The following JAKMIP1 variants were observed in gnomAD, a reference collection of about 807,000 sequenced individuals.
The protein encoded by JAKMIP1 is janus kinase and microtubule-interacting protein 1.
Under a neutral mutation model 113.0 loss-of-function variants are expected in JAKMIP1, and 33 were observed. That is an observed-to-expected ratio of 0.29 (90% CI 0.22 to 0.39). The LOEUF is 0.39. JAKMIP1 is among the 10% of genes least tolerant of loss of function. The pLI, the probability that JAKMIP1 is intolerant of heterozygous loss-of-function variation, is 1.00. For synonymous variants in JAKMIP1, 480 were observed against 459.9 expected (o/e 1.04, Z -0.56); for missense variants, 813 against 1,080.5 (o/e 0.75, Z 3.47).
At chr4:6,131,647 T>C (rs977017769) in intron 1 of JAKMIP1, among the ~76,000 whole-genome samples, 5 of 152,098 alleles carry the variant, frequency 3.3e-5, no homozygotes, top group African/African-American at 1.2e-4. Flanking sequence ...TGAGAATGGC[T>C]TGAACCCAGG....
At chr4:6,151,312 T>C (rs1193602003) in intron 1 of JAKMIP1, among the ~76,000 whole-genome samples, 1 of 152,222 alleles carries the variant, frequency 6.6e-6, no homozygotes, top group African/African-American at 2.4e-5. Context: ...GTCTGCAACT[T>C]TCTCAAGATC....
chr4:6,070,191 C>T, intron 8 of JAKMIP1: 1 of 398,558 alleles, frequency 2.5e-6, no homozygotes, highest in Non-Finnish European at 4.4e-6. Context: ...ACACACCAGC[C>T]CCTGTGCGTG....
intron 8 of JAKMIP1, among the ~76,000 whole-genome samples, chr4:6,071,386 C>A (rs943326477): frequency 1.3e-5 from 2 of 152,154 alleles, no homozygotes; most frequent in Non-Finnish European, 1.5e-5. Flanking sequence ...CAATCTGGAA[C>A]CTTTGCCTCA....
chr4:6,126,493 A>G (rs1472536727), intron 1 of JAKMIP1, among the ~76,000 whole-genome samples: 2 of 150,876 alleles, frequency 1.3e-5, no homozygotes, highest in Non-Finnish European at 3.0e-5. Context: ...AAACACACAA[A>G]CACGCATCAT....
At chr4:6,028,250 T>A (rs965248351) in intron 20 of JAKMIP1, among the ~76,000 whole-genome samples, 10 of 152,214 alleles carry the variant, frequency 6.6e-5, no homozygotes, top group African/African-American at 1.9e-4. Flanking sequence ...TCTCAGAATA[T>A]CCTTGGGAGG....
chr4:6,050,468 G>A lies in JAKMIP1; in HGVS notation c.1908+110C>T, dbSNP rs1715519516. ...ACAAACTGTGACTTTCAACACAAGG[G>A]GTATCTCATGAAAATCAATTCTATC... is the stretch of plus-strand genomic sequence containing the variant. On this transcript the variant is annotated intron_variant, in intron 14 of 20. Transcript: ENST00000409021. The surrounding 1 kb of genome is among the most constrained non-coding windows in gnomAD (Gnocchi z 7.4). The A allele has an allele frequency of 8.4e-6, 6 of 711,808 alleles. No individual in the cohort carries two copies. Among genetic ancestry groups the A allele is most frequent in the Non-Finnish European group, 1.4e-5 (6 of 415,844 alleles). 44.1% of individuals were successfully genotyped at this position (711,808 alleles called of 1,614,324 possible). A position where few individuals can be genotyped will look rare whatever the true frequency, so the allele number is the denominator to read the frequency against.
chr4:6,049,936 G>A lies in JAKMIP1; in HGVS notation c.1909-64C>T. On this transcript the variant is annotated intron_variant, in intron 14 of 20. Transcript: ENST00000409021. The surrounding 1 kb of genome is among the most constrained non-coding windows in gnomAD (Gnocchi z 7.0). ...CAGAGACCAACCATACCAATTTCTAGGGCCACGGCCTTTCCTCTGGACAAG... is the reference window on the plus strand; with the variant it reads ...CAGAGACCAACCATACCAATTTCTAAGGCCACGGCCTTTCCTCTGGACAAG... 2 of 1,181,670 alleles carry A rather than the reference G, an allele frequency of 1.7e-6. No homozygotes were observed. The highest frequency in any genetic ancestry group is 2.3e-5 in the East Asian group (1 of 42,670). The allele number at this position is 1,181,670 out of a possible 1,614,324, so 73.2% of individuals were successfully genotyped here.
At chr4:6,109,418 C>A (rs556859199) in intron 2 of JAKMIP1, among the ~76,000 whole-genome samples, 1 of 151,798 alleles carries the variant, frequency 6.6e-6, no homozygotes, top group Admixed American at 6.6e-5. Flanking sequence ...CAGGCATGAG[C>A]CACTGCGGAG....
rs561166309 is a variant in JAKMIP1, at chr4:6,052,725, A to T, written c.1806+1325T>A. Among the ~76,000 whole-genome samples, 8 of 152,078 alleles carry T rather than the reference A, an allele frequency of 5.3e-5. No individual in the cohort carries two copies. The East Asian group carries it at 1.5e-3, about 29-fold the overall frequency. ...AGGATGGTGGAGACCATTAAAGAAA[A>T]CTCTAGTAAACTGGGTAGTGCTTAT... is the stretch of plus-strand genomic sequence containing the variant. On this transcript the variant is annotated intron_variant, in intron 13 of 20. Coordinates refer to ENST00000409021, the MANE Select transcript of JAKMIP1 (RefSeq NM_001099433.2).
At chr4:6,104,993 A>G (rs1220173790) in intron 3 of JAKMIP1, among the ~76,000 whole-genome samples, 2 of 152,232 alleles carry the variant, frequency 1.3e-5, no homozygotes, top group Non-Finnish European at 2.9e-5. Context: ...CCGCCCAGGC[A>G]GGGCTCTTTC....
chr4:6,099,762 C>T (rs907768053), intron 3 of JAKMIP1, among the ~76,000 whole-genome samples: 6 of 152,278 alleles, frequency 3.9e-5, no homozygotes, highest in East Asian at 1.9e-4. Flanking sequence ...CAGCCTCTGG[C>T]GACAAATAAT....
At position 6,059,335 on chromosome 4, in the gene JAKMIP1, G is replaced by A. The variant is rs1331063179; in HGVS notation, c.1644+1089C>T. Among the ~76,000 whole-genome samples, 1 of 152,214 alleles carries A rather than the reference G, an allele frequency of 6.6e-6. No individual in the cohort carries two copies. On this transcript the variant is annotated intron_variant, in intron 11 of 20. Transcript: ENST00000409021. This position sits in a 1 kb window ranked among gnomAD's most constrained non-coding sequence, Gnocchi z 4.8. ...CCGAGCCCTGCGGCAGCCATTCTGA[G>A]CTGCCAGCTTTGCAGCTTTGCAGCT...
intron 3 of JAKMIP1, among the ~76,000 whole-genome samples, chr4:6,098,692 GAA>G (rs1390835134): frequency 1.8e-3 from 13 of 7,188 alleles, no homozygotes; most frequent in Non-Finnish European, 8.1e-3. Flanking sequence ...AAGAAAGAAA[GAA>G]AGAAAGAAAG....
intron 9 of JAKMIP1, 83 bp from the exon 10 acceptor site, chr4:6,062,523 A>C (rs1295569994): frequency 7.1e-7 from 1 of 1,417,338 alleles, no homozygotes; most frequent in African/African-American, 1.4e-5. Context: ...AATAATAAAC[A>C]TAAATAAACA....
chr4:6,132,541 C>T (rs1275914655), intron 1 of JAKMIP1, among the ~76,000 whole-genome samples: 1 of 151,622 alleles, frequency 6.6e-6, no homozygotes, highest in Non-Finnish European at 1.5e-5. Flanking sequence ...ACTTGGGAGG[C>T]TGAGGCAGGA....
intron 9 of JAKMIP1, among the ~76,000 whole-genome samples, chr4:6,063,071 G>A (rs1437249780): frequency 6.6e-6 from 1 of 152,138 alleles, no homozygotes; most frequent in Non-Finnish European, 1.5e-5. Context: ...GAGCCTGGGA[G>A]GTGGAGGTTG....
At chr4:6,079,685 A>C (rs1720220079) in intron 7 of JAKMIP1, among the ~76,000 whole-genome samples, 1 of 152,120 alleles carries the variant, frequency 6.6e-6, no homozygotes. Context: ...TGATAGATGC[A>C]CGCCCCATAT....
chr4:6,027,260 C>T (rs371461505), intron 20 of JAKMIP1, among the ~76,000 whole-genome samples: 2 of 152,156 alleles, frequency 1.3e-5, no homozygotes, highest in Admixed American at 6.5e-5. Context: ...CTTCTCCCCC[C>T]CAAAACAAGG....
Position 6,089,113 on chromosome 4 carries a change from G to A in JAKMIP1, c.625-3484C>T, listed in dbSNP as rs1721687760. On this transcript the variant is annotated intron_variant, in intron 3 of 20. Coordinates refer to ENST00000409021, the MANE Select transcript of JAKMIP1 (RefSeq NM_001099433.2). The surrounding 1 kb of genome is among the most constrained non-coding windows in gnomAD (Gnocchi z 5.3). ...TGGGCTGTGTGGTGTGAGAATGTGG[G>A]ACCTGGCACAGTGGTGGCATCCCCC... Among the ~76,000 whole-genome samples the A allele has an allele frequency of 1.3e-5, 2 of 152,288 alleles. 1 individual carries two copies. The highest frequency in any genetic ancestry group is 4.1e-4 in the South Asian group (2 of 4,826).
Sources: allele counts gnomAD v4.1 joint callset (sites outside exome capture counted in the v4.1 genomes callset), GRCh38; gene constraint gnomAD v4.1.1; non-coding constraint Gnocchi (gnomAD v3.1); transcripts MANE v1.5; gene names NCBI Gene and HGNC (gene_info 2026-07-23, HGNC 2026-07-21).